Variants in BACE2 observed in about 807,000 individuals in gnomAD.
BACE2 encodes the protein beta-secretase 2.
BACE2 carries 17 observed loss-of-function variants against 46.2 expected under a neutral mutation model. The ratio of observed to expected loss-of-function variants is 0.37; its 90% CI spans 0.25 to 0.55. The LOEUF (loss-of-function observed/expected upper bound fraction) is 0.55, where lower values mean the gene tolerates loss of function less well. Ranked by LOEUF, BACE2 falls within the 20% of genes least tolerant of loss-of-function variation. The probability of loss-of-function intolerance (pLI) is 0.82; values close to 1 mark genes in which losing one functional copy is unlikely to be tolerated. For synonymous variants in BACE2, 277 were observed against 295.9 expected (o/e 0.94, Z 0.66); for missense variants, 595 against 698.1 (o/e 0.85, Z 1.66).
intron 1 of BACE2, among the ~76,000 whole-genome samples, chr21:41,191,590 C>T (rs1046870606): frequency 6.6e-6 from 1 of 152,108 alleles, no homozygotes; most frequent in Non-Finnish European, 1.5e-5. Context: ...GAAATGGTGC[C>T]ATATTGAGGA....
rs1986754545 is a variant in BACE2, at chr21:41,224,560, G to A, written c.313-1706G>A. Among the ~76,000 whole-genome samples the A allele has an allele frequency of 2.6e-5, 4 of 152,286 alleles. No individual in the cohort carries two copies. The South Asian group carries it at 8.3e-4, about 32-fold the overall frequency. On this transcript the variant is annotated intron_variant, in intron 1 of 8. Coordinates refer to ENST00000330333, the MANE Select transcript of BACE2 (RefSeq NM_012105.5). ...CTTTTGGGCTATATCTACGTGGTCTGTGTTTATTTCTAAAAGAAGTGTTCA... is the reference window on the plus strand; with the variant it reads ...CTTTTGGGCTATATCTACGTGGTCTATGTTTATTTCTAAAAGAAGTGTTCA...
intron 1 of BACE2, among the ~76,000 whole-genome samples, chr21:41,194,774 A>G (rs1985682855): frequency 6.6e-6 from 1 of 151,942 alleles, no homozygotes; most frequent in African/African-American, 2.4e-5. Context: ...TAAATGTTTC[A>G]CCCTCATACT....
intron 1 of BACE2, among the ~76,000 whole-genome samples, chr21:41,220,559 A>G (rs1448205884): frequency 2.0e-5 from 3 of 152,210 alleles, no homozygotes; most frequent in South Asian, 2.1e-4. Flanking sequence ...ATGAAATCAC[A>G]TACGTATTTC....
chr21:41,179,133 T>TCAGGGTGAGGAGTGAGGGTGTC, intron 1 of BACE2: 5 of 1,156,048 alleles, frequency 4.3e-6, no homozygotes, highest in Non-Finnish European at 5.4e-6. Flanking sequence ...AGTGAGGGTG[T>TCAGGGTGAGGAGTGAGGGTGTC]CAGGGTGAGG....
At chr21:41,201,475 G>A (rs370364795) in intron 1 of BACE2, among the ~76,000 whole-genome samples, 93 of 152,352 alleles carry the variant, frequency 6.1e-4, no homozygotes, top group African/African-American at 2.1e-3. Flanking sequence ...AAAAGGATTG[G>A]AATGTTTGGT....
intron 2 of BACE2, among the ~76,000 whole-genome samples, chr21:41,228,750 G>A (rs1986891082): frequency 6.6e-6 from 1 of 152,194 alleles, no homozygotes; most frequent in Non-Finnish European, 1.5e-5. Flanking sequence ...ATTTCAACAT[G>A]AGAATTGGAG....
At chr21:41,251,125 G>A (rs996331013) in intron 7 of BACE2, among the ~76,000 whole-genome samples, 8 of 152,138 alleles carry the variant, frequency 5.3e-5, no homozygotes, top group East Asian at 1.9e-4. Context: ...GCTGGGTCCC[G>A]GTTGGCCTCC....
At chr21:41,194,451 A>G (rs1985674488) in intron 1 of BACE2, among the ~76,000 whole-genome samples, 2 of 152,206 alleles carry the variant, frequency 1.3e-5, no homozygotes, top group African/African-American at 4.8e-5. Flanking sequence ...TGCTTTTGCA[A>G]CAAAGGACAC....
intron 1 of BACE2, among the ~76,000 whole-genome samples, chr21:41,200,197 A>C (rs1163957250): frequency 6.8e-6 from 1 of 147,636 alleles, no homozygotes; most frequent in African/African-American, 2.6e-5. Flanking sequence ...AATTAAAAAA[A>C]AAAACAAAAA....
At chr21:41,211,306 C>T (rs1188664021) in intron 1 of BACE2, among the ~76,000 whole-genome samples, 1 of 152,122 alleles carries the variant, frequency 6.6e-6, no homozygotes, top group South Asian at 2.1e-4. Context: ...AAATGGCTCA[C>T]ACTCTCACAC....
intron 1 of BACE2, among the ~76,000 whole-genome samples, chr21:41,185,835 A>G (rs1200530914): frequency 6.6e-6 from 1 of 152,182 alleles, no homozygotes; most frequent in African/African-American, 2.4e-5. Flanking sequence ...ACATAGAACA[A>G]CGTGACAACG....
intron 4 of BACE2, among the ~76,000 whole-genome samples, chr21:41,242,339 TTCTCTC>T (rs56942862): frequency 1.5e-4 from 22 of 148,870 alleles, no homozygotes; most frequent in African/African-American, 5.2e-4. Flanking sequence ...TGTAGATCCT[TTCTCTC>T]TCTCTCTCTC....
chr21:41,275,874 G>C lies in BACE2; in HGVS notation c.*250G>C. 1.1e-5 allele frequency: 6 copies of C among 522,632 alleles called. No homozygotes were observed. Among genetic ancestry groups the C allele is most frequent in the Non-Finnish European group, 2.0e-5 (6 of 296,692 alleles). The allele number at this position is 522,632 out of a possible 1,614,324, so 32.4% of individuals were successfully genotyped here. A position where few individuals can be genotyped will look rare whatever the true frequency, so the allele number is the denominator to read the frequency against. ...TCTAAACCAAAACAGAGTGGATTGGGCTGCAGGCTCTATGGGGTTCGTTAT... is the reference window on the plus strand; with the variant it reads ...TCTAAACCAAAACAGAGTGGATTGGCCTGCAGGCTCTATGGGGTTCGTTAT... On this transcript the variant is annotated 3_prime_UTR_variant, in exon 9 of 9. Transcript: ENST00000330333.
chr21:41,218,599 A>G (rs891788282), intron 1 of BACE2, among the ~76,000 whole-genome samples: 1 of 152,196 alleles, frequency 6.6e-6, no homozygotes, highest in Non-Finnish European at 1.5e-5. Context: ...TTGAAAATAT[A>G]TAAACAACAG....
Position 41,192,561 on chromosome 21 carries a change from G to T in BACE2, c.312+23986G>T, listed in dbSNP as rs567490378. 6.0e-4 allele frequency among the ~76,000 whole-genome samples: 92 copies of T among 152,320 alleles called. 1 individual carries two copies. Among genetic ancestry groups the T allele is most frequent in the Admixed American group, 2.5e-3 (39 of 15,304 alleles). On this transcript the variant is annotated intron_variant, in intron 1 of 8. Transcript: ENST00000330333. ...CTCAGAAGGAGAGTAGTTATCTGAA[G>T]AAGATGGCAGGGCCTTGCTCCAATA...
intron 1 of BACE2, among the ~76,000 whole-genome samples, chr21:41,168,904 C>T (rs1984484094): frequency 6.6e-6 from 1 of 152,102 alleles, no homozygotes; most frequent in Non-Finnish European, 1.5e-5. Flanking sequence ...GCGGGCGACA[C>T]CTACTTCCAG....
rs557229351 is a variant in BACE2, at chr21:41,254,994, G to A, written c.1135-2164G>A. Among the ~76,000 whole-genome samples, 10 of 152,330 alleles carry A rather than the reference G, an allele frequency of 6.6e-5. No homozygotes were observed. The South Asian group carries it at 2.1e-3, about 32-fold the overall frequency. On this transcript the variant is annotated intron_variant, in intron 7 of 8. Transcript: ENST00000330333. Reference sequence around the variant, plus strand: ...AGGACTTGGCCTGAGTTGGGCGAGGGAGTGATTTGATTCCGCTTCGGTTTC... The same window carrying A: ...AGGACTTGGCCTGAGTTGGGCGAGGAAGTGATTTGATTCCGCTTCGGTTTC...
intron 8 of BACE2, among the ~76,000 whole-genome samples, chr21:41,270,207 C>G (rs1207634670): frequency 6.6e-6 from 1 of 152,130 alleles, no homozygotes; most frequent in Non-Finnish European, 1.5e-5. Context: ...ATTGAGTCCT[C>G]AGAGTTATTT....
At chr21:41,256,197 C>T (rs139306821) in intron 7 of BACE2, among the ~76,000 whole-genome samples, 20 of 152,138 alleles carry the variant, frequency 1.3e-4, no homozygotes, top group African/African-American at 3.1e-4. Flanking sequence ...CCCATCAACC[C>T]GTCACCTGCA....
Sources: allele counts gnomAD v4.1 joint callset (sites outside exome capture counted in the v4.1 genomes callset), GRCh38; gene constraint gnomAD v4.1.1; transcripts MANE v1.5; gene names NCBI Gene and HGNC (gene_info 2026-07-23, HGNC 2026-07-21).